The following MSH4 variants were observed in gnomAD, a reference collection of about 807,000 sequenced individuals.
MSH4 encodes the protein mutS protein homolog 4.
In MSH4, 106 loss-of-function variants were observed where a neutral mutation model predicts 113.7. The ratio of observed to expected loss-of-function variants is 0.93; its 90% confidence interval spans 0.80 to 1.10. The LOEUF (loss-of-function observed/expected upper bound fraction) is 1.10. MSH4 is among the 50% of genes least tolerant of loss of function. The pLI is 0.00. For synonymous variants in MSH4, 368 were observed against 380.2 expected, an observed-to-expected ratio of 0.97 and a Z score of 0.37; for missense variants, 1,061 against 1,093.7, an observed-to-expected ratio of 0.97 and a Z score of 0.42.
chr1:75,901,677 A>C (rs1652508555), intron 19 of MSH4, among the ~76,000 whole-genome samples: 1 of 152,150 alleles, frequency 6.6e-6, no homozygotes, highest in African/African-American at 2.4e-5. Context: ...GATGCCCAGC[A>C]GTAGGACTGC....
At chr1:75,817,671 A>G (rs941209659) in intron 6 of MSH4, among the ~76,000 whole-genome samples, 6 of 152,210 alleles carry the variant, frequency 3.9e-5, no homozygotes, top group Admixed American at 3.9e-4. Context: ...GTACTGAACT[A>G]TCTGAATAGC....
intron 7 of MSH4, among the ~76,000 whole-genome samples, chr1:75,842,826 C>T (rs1650991276): frequency 6.6e-6 from 1 of 152,028 alleles, no homozygotes; most frequent in African/African-American, 2.4e-5. Flanking sequence ...TCTCCCTTTC[C>T]CCAGGGGAGT....
chr1:75,830,351 T>C (rs2100529119), intron 7 of MSH4, among the ~76,000 whole-genome samples: 1 of 152,258 alleles, frequency 6.6e-6, no homozygotes. Flanking sequence ...TGGAACCAAG[T>C]TGGAAAACAC....
At chr1:75,806,747 A>G (rs1391959816) in intron 2 of MSH4, among the ~76,000 whole-genome samples, 4 of 151,996 alleles carry the variant, frequency 2.6e-5, no homozygotes, top group African/African-American at 9.7e-5. Flanking sequence ...TTGCTCTTCC[A>G]TGTAAATTTT....
chr1:75,850,148 T>G (rs1346273090), intron 8 of MSH4, among the ~76,000 whole-genome samples: 2 of 152,104 alleles, frequency 1.3e-5, no homozygotes, highest in South Asian at 4.1e-4. Context: ...TTCTCTTTTT[T>G]GCTCCTGTTC....
At chr1:75,868,343 A>G (rs1056808358) in intron 9 of MSH4, among the ~76,000 whole-genome samples, 1 of 152,178 alleles carries the variant, frequency 6.6e-6, no homozygotes, top group Non-Finnish European at 1.5e-5. Context: ...GAATGTGTAA[A>G]TAACCCAATC....
rs544745951 is a variant in MSH4, at chr1:75,822,811, G to T, written c.1162+230G>T. 2.3e-3 allele frequency among the ~76,000 whole-genome samples: 351 copies of T among 149,968 alleles called. 4 individuals are homozygous for T. Among genetic ancestry groups the T allele is most frequent in the African/African-American group, 8.3e-3 (339 of 40,818 alleles). ...ATGCTTTTCTTTTCCATTTTTTTCT[G>T]TTTTTTTTTGTTGTTGTTTTTGTTG... On this transcript the variant is annotated intron_variant, in intron 7 of 19. Transcript: ENST00000263187.
At chr1:75,818,048 A>G (rs1024332415) in intron 6 of MSH4, among the ~76,000 whole-genome samples, 1 of 152,204 alleles carries the variant, frequency 6.6e-6, no homozygotes, top group African/African-American at 2.4e-5. Context: ...CTACTACCCT[A>G]ACCCAAACCT....
At chr1:75,886,860 CTTCACATTTAT>C (rs1652136092) in intron 15 of MSH4, among the ~76,000 whole-genome samples, 1 of 139,486 alleles carries the variant, frequency 7.2e-6, no homozygotes, top group Admixed American at 7.5e-5. Context: ...TATATATTAC[CTTCACATTTAT>C]TTCACATTTA....
intron 2 of MSH4, among the ~76,000 whole-genome samples, chr1:75,805,336 A>G (rs571431828): frequency 2.6e-5 from 4 of 151,738 alleles, no homozygotes; most frequent in Admixed American, 6.6e-5. Flanking sequence ...CAAATTACTG[A>G]AACATAGGGA....
intron 19 of MSH4, among the ~76,000 whole-genome samples, chr1:75,901,167 C>T (rs905840296): frequency 3.9e-5 from 6 of 152,074 alleles, no homozygotes; most frequent in African/African-American, 1.4e-4. Flanking sequence ...ATGTTGAAAA[C>T]ATTGCAATTC....
At chr1:75,820,239 A>C (rs1650380476) in intron 6 of MSH4, among the ~76,000 whole-genome samples, 1 of 152,246 alleles carries the variant, frequency 6.6e-6, no homozygotes, top group Non-Finnish European at 1.5e-5. Context: ...CTATAAAAGA[A>C]GTCATAAAGT....
chr1:75,898,505 G>A (rs906899419), intron 18 of MSH4, among the ~76,000 whole-genome samples: 1 of 147,078 alleles, frequency 6.8e-6, no homozygotes, highest in African/African-American at 2.5e-5. Context: ...AAAAGAGAAT[G>A]TATTACCAAA....
rs544152623 is a variant in MSH4 at position 75,903,049 on chromosome 1, A to G, written c.2619+3343A>G. Among the ~76,000 whole-genome samples the G allele has an allele frequency of 2.0e-5, 3 of 151,432 alleles. No homozygotes were observed. The South Asian group carries it at 6.2e-4, about 32-fold the overall frequency. On this transcript the variant is annotated intron_variant, in intron 19 of 19. Coordinates refer to ENST00000263187, the MANE Select transcript of MSH4 (RefSeq NM_002440.4). ...TGCTATGCAGAAGCTTTTTAACATA[A>G]TGTAATTATATAAGTGTATTTTTGC...
chr1:75,810,120 C>T (rs769713343), intron 3 of MSH4, among the ~76,000 whole-genome samples: 24 of 151,572 alleles, frequency 1.6e-4, no homozygotes, highest in Non-Finnish European at 2.9e-4. Flanking sequence ...AAAATATAGC[C>T]TATTTTATGA....
intron 7 of MSH4, among the ~76,000 whole-genome samples, chr1:75,847,968 C>T (rs1651109243): frequency 6.6e-6 from 1 of 152,106 alleles, no homozygotes; most frequent in African/African-American, 2.4e-5. Context: ...ACAGGCAAAT[C>T]ATAGCAGAAG....
intron 9 of MSH4, among the ~76,000 whole-genome samples, chr1:75,873,588 G>C (rs944223539): frequency 6.6e-6 from 1 of 151,804 alleles, no homozygotes; most frequent in African/African-American, 2.4e-5. Flanking sequence ...GCAAACGCCA[G>C]TATCTGTTGT....
intron 2 of MSH4, among the ~76,000 whole-genome samples, chr1:75,806,702 T>C (rs1271862742): frequency 6.6e-6 from 1 of 152,164 alleles, no homozygotes; most frequent in African/African-American, 2.4e-5. Flanking sequence ...GCCACCTTAC[T>C]CTTCTTTAGA....
intron 8 of MSH4, among the ~76,000 whole-genome samples, chr1:75,866,572 A>T (rs1440765086): frequency 1.3e-5 from 2 of 152,208 alleles, no homozygotes; most frequent in Non-Finnish European, 2.9e-5. Flanking sequence ...AGAGAACATG[A>T]CATAACCCAT....
Sources: allele counts gnomAD v4.1 joint callset (sites outside exome capture counted in the v4.1 genomes callset), GRCh38; gene constraint gnomAD v4.1.1; transcripts MANE v1.5; gene names NCBI Gene and HGNC (gene_info 2026-07-23, HGNC 2026-07-21).